The following CC2D2B variants were observed in gnomAD, a reference collection of about 807,000 sequenced individuals.
The protein encoded by CC2D2B is protein CC2D2B.
Under a neutral mutation model 161.2 loss-of-function variants are expected in CC2D2B, and 128 were observed. That is an observed-to-expected ratio of 0.79 (90% CI 0.69 to 0.92). The LOEUF is 0.92. Ranked by LOEUF, CC2D2B falls within the 40% of genes least tolerant of loss-of-function variation. The pLI is 0.00. For missense variants in CC2D2B, 1,173 were observed against 1,375.1 expected, an observed-to-expected ratio of 0.85 and a Z score of 2.32; for synonymous variants, 391 against 449.8, an observed-to-expected ratio of 0.87 and a Z score of 1.65.
intron 9 of CC2D2B, among the ~76,000 whole-genome samples, chr10:95,939,591 A>G (rs2075952669): frequency 6.6e-6 from 1 of 152,224 alleles, no homozygotes; most frequent in South Asian, 2.1e-4. Flanking sequence ...GTACCAAACT[A>G]TACACAAACT....
intron 1 of CC2D2B, among the ~76,000 whole-genome samples, chr10:95,909,495 A>G (rs2098502267): frequency 6.6e-6 from 1 of 152,228 alleles, no homozygotes; most frequent in African/African-American, 2.4e-5. Flanking sequence ...TCATCATACT[A>G]TGTGACAATA....
chr10:96,027,156 T>A, intron 33 of CC2D2B, 56 bp from the exon 34 acceptor site: 1 of 1,243,614 alleles, frequency 8.0e-7, no homozygotes, highest in Non-Finnish European at 1.1e-6. Flanking sequence ...ACTCTTATTA[T>A]ATTTACCAAA....
In CC2D2B at chr10:95,975,415, T is replaced by C. The variant is rs575880237; in HGVS notation, c.1943+1259T>C. Among the ~76,000 whole-genome samples, 14 of 152,196 alleles carry C rather than the reference T, an allele frequency of 9.2e-5. No individual in the cohort carries two copies. The South Asian group carries it at 2.1e-3, about 23-fold the overall frequency. ...GTTGGTATGGACGAAACTGACATAG[T>C]GGGGGTAGTTTACTTACCAAGGAGT... On this transcript the variant is annotated intron_variant, in intron 17 of 34. Transcript: ENST00000646931.
chr10:95,958,893 C>T (rs1309440075), intron 11 of CC2D2B, among the ~76,000 whole-genome samples: 1 of 151,736 alleles, frequency 6.6e-6, no homozygotes, highest in Admixed American at 6.6e-5. Context: ...ATAATAAAAC[C>T]ATAATAGAGA....
intron 21 of CC2D2B, 110 bp downstream of exon 21, chr10:95,991,571 G>C (rs768862029): frequency 5.7e-6 from 2 of 353,328 alleles, no homozygotes; most frequent in East Asian, 8.1e-5. Context: ...CAAAAGATGC[G>C]GTTTCAGATC....
chr10:95,937,533 C>CT (rs74309113), intron 6 of CC2D2B, among the ~76,000 whole-genome samples: 181 of 145,526 alleles, frequency 1.2e-3, no homozygotes, highest in Non-Finnish European at 1.7e-3. Flanking sequence ...TTTCTTCTTT[C>CT]TTTTTTTTTT....
intron 17 of CC2D2B, among the ~76,000 whole-genome samples, chr10:95,981,704 C>T (rs558247253): frequency 6.6e-6 from 1 of 152,198 alleles, no homozygotes; most frequent in East Asian, 1.9e-4. Flanking sequence ...CATACAATAT[C>T]GATGGCAAAG....
chr10:95,981,706 A>T (rs184358744), intron 17 of CC2D2B, among the ~76,000 whole-genome samples: 1 of 152,346 alleles, frequency 6.6e-6, no homozygotes, highest in Admixed American at 6.5e-5. Context: ...TACAATATCG[A>T]TGGCAAAGAT....
chr10:96,025,192 A>ATATAT (rs1554853793), intron 33 of CC2D2B, among the ~76,000 whole-genome samples: 1,060 of 49,136 alleles, frequency 0.022, 50 homozygotes, highest in Middle Eastern at 0.051. Flanking sequence ...TATAAAAAAA[A>ATATAT]ATATATATAT....
intron 29 of CC2D2B, among the ~76,000 whole-genome samples, chr10:96,015,499 A>G (rs890163075): frequency 2.0e-5 from 3 of 151,058 alleles, no homozygotes; most frequent in Admixed American, 1.3e-4. Context: ...CCAGAAATCC[A>G]GAGTTTTCTA....
chr10:95,977,130 G>GT (rs1286154481), intron 17 of CC2D2B, among the ~76,000 whole-genome samples: 1 of 151,748 alleles, frequency 6.6e-6, no homozygotes, highest in African/African-American at 2.4e-5. Flanking sequence ...CAGCACTTTG[G>GT]AGGCCAAGGT....
chr10:95,990,980 T>C (rs1564646160), intron 20 of CC2D2B, among the ~76,000 whole-genome samples: 1 of 152,132 alleles, frequency 6.6e-6, no homozygotes, highest in Admixed American at 6.5e-5. Flanking sequence ...TTCCTTGGGT[T>C]TGTAGATCAA....
At chr10:95,959,677 T>G (rs1203954011) in intron 11 of CC2D2B, among the ~76,000 whole-genome samples, 1 of 152,070 alleles carries the variant, frequency 6.6e-6, no homozygotes, top group African/African-American at 2.4e-5. Context: ...TTTGGATTAT[T>G]CCAATTTGGA....
At position 95,974,172 on chromosome 10, in the gene CC2D2B, C is replaced by A. The variant is rs943548766; in HGVS notation, c.1943+16C>A. On this transcript the variant is annotated intron_variant, in intron 17 of 34. Coordinates refer to ENST00000646931, the MANE Select transcript of CC2D2B (RefSeq NM_001349008.3). ...CTTACTGCAGGTAATAAACTTTTATCTTTGAAAAATAATGCCAGGTCTCAG... is the reference window on the plus strand; with the variant it reads ...CTTACTGCAGGTAATAAACTTTTATATTTGAAAAATAATGCCAGGTCTCAG... The A allele has an allele frequency of 1.4e-5, 17 of 1,220,538 alleles. No individual in the cohort carries two copies. In the East Asian group the frequency reaches 3.2e-4, roughly 23 times the overall value. The allele number at this position is 1,220,538 out of a possible 1,614,324, so 75.6% of individuals were successfully genotyped here.
Position 95,959,732 on chromosome 10 carries a change from A to T in CC2D2B, c.1110-2097A>T, listed in dbSNP as rs183294805. 5.9e-5 allele frequency among the ~76,000 whole-genome samples: 9 copies of T among 152,304 alleles called. No homozygotes were observed. In the East Asian group the frequency reaches 1.7e-3, roughly 29 times the overall value. The stretch of plus-strand genomic sequence containing the variant: ...GATGGTTCAACATTAGAAATTAATT[A>T]GTGTAACTTAACATACTAATACAAT... On this transcript the variant is annotated intron_variant, in intron 11 of 34. Transcript: ENST00000646931.
chr10:96,025,180 T>TAA (rs2079678830), intron 33 of CC2D2B, among the ~76,000 whole-genome samples: 2 of 11,946 alleles, frequency 1.7e-4, no homozygotes, highest in African/African-American at 5.3e-4. Flanking sequence ...TATATATATA[T>TAA]ATATAAAAAA....
At chr10:96,025,157 ATATATAT>A (rs1564683596) in intron 33 of CC2D2B, among the ~76,000 whole-genome samples, 523 of 30,864 alleles carry the variant, frequency 0.017, 40 homozygotes, top group East Asian at 0.04. Flanking sequence ...AAAAAAAAAT[ATATATAT>A]ATATATATAT....
chr10:95,925,756 G>A (rs184722337), intron 5 of CC2D2B, among the ~76,000 whole-genome samples: 41 of 152,286 alleles, frequency 2.7e-4, no homozygotes, highest in Admixed American at 1.7e-3. Context: ...GTTTCCATCC[G>A]TAAGTCCAAT....
In CC2D2B at chr10:95,927,336, G is replaced by T; in HGVS notation, c.336+4G>T. 6.6e-7 allele frequency: 1 copy of T among 1,515,278 alleles called. No homozygotes were observed. The highest frequency in any genetic ancestry group is 9.0e-7 in the Non-Finnish European group (1 of 1,115,250). The allele number at this position is 1,515,278 out of a possible 1,614,324, so 93.9% of individuals were successfully genotyped here. A position where few individuals can be genotyped will look rare whatever the true frequency, so the allele number is the denominator to read the frequency against. ...TTTGGGCAAGTCTTCAGAGCAGGTT[G>T]GATTTGTTTGCCTCCCTCCCACCAT... On this transcript the variant is annotated splice_donor_region_variant and intron_variant, in intron 6 of 34. Coordinates refer to ENST00000646931, the MANE Select transcript of CC2D2B (RefSeq NM_001349008.3).
Sources: allele counts gnomAD v4.1 joint callset (sites outside exome capture counted in the v4.1 genomes callset), GRCh38; gene constraint gnomAD v4.1.1; transcripts MANE v1.5; gene names NCBI Gene and HGNC (gene_info 2026-07-23, HGNC 2026-07-21).